The following ZNF395 variants were observed in gnomAD, a reference collection of about 807,000 sequenced individuals.
ZNF395 encodes the protein zinc finger protein 395.
In ZNF395, 20 loss-of-function variants were observed where a neutral mutation model predicts 57.7. That is an observed-to-expected ratio of 0.35 (90% CI 0.24 to 0.50). The LOEUF is 0.50. Ranked by LOEUF, ZNF395 falls within the 20% of genes least tolerant of loss-of-function variation. The pLI is 0.97. For synonymous variants in ZNF395, 295 were observed against 275.9 expected (o/e 1.07, Z -0.69); for missense variants, 606 against 671.2 (o/e 0.90, Z 1.07).
chr8:28,351,876 T>C, intron 6 of ZNF395, 69 bp from the exon 7 acceptor site: 1 of 1,488,710 alleles, frequency 6.7e-7, no homozygotes, highest in Non-Finnish European at 8.9e-7. Context: ...GGGACCGCGG[T>C]AGGGAGGGAA....
At chr8:28,363,819 T>A (rs1157911220) in intron 1 of ZNF395, among the ~76,000 whole-genome samples, 1 of 152,176 alleles carries the variant, frequency 6.6e-6, no homozygotes, top group Non-Finnish European at 1.5e-5. Flanking sequence ...TTCTTTTTTT[T>A]AATTTAAAGA....
In ZNF395 at chr8:28,352,037, T is replaced by C. The variant is rs974925233; in HGVS notation, c.921-230A>G. ...CTAAGGCTCATTCTCTCCCGGAACATGTGCCAACCTCTCCTCTGGCAGGAG... is the reference window on the plus strand; with the variant it reads ...CTAAGGCTCATTCTCTCCCGGAACACGTGCCAACCTCTCCTCTGGCAGGAG... On this transcript the variant is annotated intron_variant, in intron 6 of 9. Coordinates refer to ENST00000344423, the MANE Select transcript of ZNF395 (RefSeq NM_018660.3). The surrounding 1 kb of genome is among the most constrained non-coding windows in gnomAD (Gnocchi z 4.0). 5.9e-5 allele frequency among the ~76,000 whole-genome samples: 9 copies of C among 152,200 alleles called. No individual in the cohort carries two copies. Among genetic ancestry groups the C allele is most frequent in the African/African-American group, 2.2e-4 (9 of 41,446 alleles).
At chr8:28,361,239 G>C in intron 1 of ZNF395, 57 bp from the exon 2 acceptor site, 1 of 1,464,240 alleles carries the variant, frequency 6.8e-7, no homozygotes, top group Non-Finnish European at 9.3e-7. Flanking sequence ...GCCAGGAAGG[G>C]TCTACTAAAA....
chr8:28,346,352 T>C lies in ZNF395; in HGVS notation c.*2367A>G, dbSNP rs577053145. The stretch of plus-strand genomic sequence containing the variant: ...GCCACCCTCACCCTCCAAGAAGGCA[T>C]GAATGGAACAACCCCGAGAACAGAG... On this transcript the variant is annotated 3_prime_UTR_variant, in exon 10 of 10. Coordinates refer to ENST00000344423, the MANE Select transcript of ZNF395 (RefSeq NM_018660.3). 2 of 151,596 alleles carry C rather than the reference T, an allele frequency of 1.3e-5. No individual in the cohort carries two copies. Among genetic ancestry groups the C allele is most frequent in the Non-Finnish European group, 2.9e-5 (2 of 67,936 alleles). The allele number at this position is 151,596 out of a possible 1,614,324, so 9.4% of individuals were successfully genotyped here. A position where few individuals can be genotyped will look rare whatever the true frequency, so the allele number is the denominator to read the frequency against.
At chr8:28,365,071 T>C (rs1801895076) in intron 1 of ZNF395, among the ~76,000 whole-genome samples, 1 of 152,178 alleles carries the variant, frequency 6.6e-6, no homozygotes, top group Non-Finnish European at 1.5e-5. Context: ...ATTAATAGGA[T>C]GGAAGTGGGA....
chr8:28,375,069 A>C (rs895568487), intron 1 of ZNF395, among the ~76,000 whole-genome samples: 4 of 152,242 alleles, frequency 2.6e-5, no homozygotes, highest in Non-Finnish European at 5.9e-5. Flanking sequence ...TCCTCCTCAA[A>C]GCACTACCTA....
Position 28,351,612 on chromosome 8 carries a change from G to A in ZNF395, c.1116C>T (p.His372=), listed in dbSNP as rs1801684592. 6.2e-7 allele frequency: 1 copy of A among 1,613,568 alleles called. No individual in the cohort carries two copies. The highest frequency in any genetic ancestry group is 1.3e-5 in the African/African-American group (1 of 74,938). The change falls in exon 7 of 10, where the codon CAC becomes CAT. Residue 372 remains histidine, a synonymous_variant. Coordinates refer to ENST00000344423, the MANE Select transcript of ZNF395 (RefSeq NM_018660.3). The part of the protein sequence containing the change: ...LPLSALPPPL[H]KAQSSGPEHP... ...GTTCTGGGCCGGAGGACTGGGCTTT[G>A]TGCAGAGGTGGTGGAAGAGCAGACA...
intron 1 of ZNF395, among the ~76,000 whole-genome samples, chr8:28,384,025 G>A (rs894459180): frequency 6.6e-6 from 1 of 152,038 alleles, no homozygotes; most frequent in Non-Finnish European, 1.5e-5. Flanking sequence ...CCTGTAAACA[G>A]ATTATTTCAA....
chr8:28,351,573 C>T lies in ZNF395; in HGVS notation c.1155G>A (p.Glu385=), dbSNP rs756617828. The T allele has an allele frequency of 1.4e-5, 23 of 1,613,702 alleles. No individual in the cohort carries two copies. In the South Asian group the frequency reaches 2.3e-4, roughly 16 times the overall value. The change falls in exon 7 of 10, where the codon GAG becomes GAA. Residue 385 remains glutamate, a synonymous_variant. Transcript: ENST00000344423. ...QSSGPEHPGP[E]SSLPSGALSK... ...TGAGAGCCCCTGAGGGCAGGGAGGACTCCGGGCCAGGATGTTCTGGGCCGG... is the reference window on the plus strand; with the variant it reads ...TGAGAGCCCCTGAGGGCAGGGAGGATTCCGGGCCAGGATGTTCTGGGCCGG...
At chr8:28,369,859 C>T (rs1801956901) in intron 1 of ZNF395, among the ~76,000 whole-genome samples, 1 of 152,214 alleles carries the variant, frequency 6.6e-6, no homozygotes, top group South Asian at 2.1e-4. Flanking sequence ...AGCTCTTGAC[C>T]ATGCACCAAA....
In ZNF395 at chr8:28,361,439, T is replaced by C. The variant is rs138813377; in HGVS notation, c.-58-257A>G. Among the ~76,000 whole-genome samples, 285 of 152,358 alleles carry C rather than the reference T, an allele frequency of 1.9e-3. 1 individual carries two copies. The highest frequency in any genetic ancestry group is 6.3e-3 in the African/African-American group (260 of 41,588). On this transcript the variant is annotated intron_variant, in intron 1 of 9. Transcript: ENST00000344423. The stretch of plus-strand genomic sequence containing the variant: ...CACTTTTATTTCTGTAAAAATGGGA[T>C]TGTTGTTTGGTAAACTGTATTTTTA...
At chr8:28,372,079 C>A (rs1801983897) in intron 1 of ZNF395, among the ~76,000 whole-genome samples, 1 of 152,050 alleles carries the variant, frequency 6.6e-6, no homozygotes, top group African/African-American at 2.4e-5. Flanking sequence ...GCTCAAACTT[C>A]CCCATTGTGA....
At chr8:28,377,940 T>C (rs1802064606) in intron 1 of ZNF395, among the ~76,000 whole-genome samples, 1 of 151,840 alleles carries the variant, frequency 6.6e-6, no homozygotes, top group African/African-American at 2.4e-5. Context: ...GTATTTTTAG[T>C]AGAGACGGGG....
At chr8:28,368,319 G>A (rs1585860165) in intron 1 of ZNF395, 1 of 152,144 alleles carries the variant, frequency 6.6e-6, no homozygotes, top group Non-Finnish European at 1.5e-5. Flanking sequence ...ATGGCACTCA[G>A]GTTTATACTC....
Position 28,360,925 on chromosome 8 carries a change from G to A in ZNF395, c.200C>T (p.Thr67Ile). The part of the protein sequence containing the change: ...QPKEVLKAPS[T>I]SGLQQVAFQP... ...AAAGGCCACCTGCTGAAGGCCCGAG[G>A]TGCTGGGAGCCTTAAGGACTTCCTT... Residue 67 changes from threonine to isoleucine, a missense_variant, in exon 2 of 10, where the codon ACC becomes ATC. By Grantham distance (89) the Thr-to-Ile change is moderately conservative. Transcript: ENST00000344423. 6.2e-7 allele frequency: 1 copy of A among 1,614,012 alleles called. No individual in the cohort carries two copies. Among genetic ancestry groups the A allele is most frequent in the Non-Finnish European group, 8.5e-7 (1 of 1,180,000 alleles).
intron 1 of ZNF395, among the ~76,000 whole-genome samples, chr8:28,370,442 T>C (rs1801963667): frequency 6.6e-6 from 1 of 152,164 alleles, no homozygotes; most frequent in Admixed American, 6.5e-5. Context: ...CCCCAATAAC[T>C]GTGGGCATGA....
chr8:28,361,052 A>G lies in ZNF395; in HGVS notation c.73T>C (p.Ser25Pro). The G allele has an allele frequency of 2.5e-6, 4 of 1,611,818 alleles. No homozygotes were observed. Among genetic ancestry groups the G allele is most frequent in the Non-Finnish European group, 2.5e-6 (3 of 1,179,280 alleles). The change falls in exon 2 of 10, where the codon TCG becomes CCG. Residue 25 changes from serine (S) to proline (P), a missense_variant. Ser to Pro is a moderately conservative substitution (Grantham distance 74). This residue lies in a region of ZNF395 where 309 missense variants were observed against 374.7 expected (regional missense o/e 0.82). Coordinates refer to ENST00000344423, the MANE Select transcript of ZNF395 (RefSeq NM_018660.3). ...GGTGGGGCAGCCGAGGGCCCCTCCG[A>G]GGCACTGGGTCCCAACACCCGGGCT... ...LGARVLGPSA[S>P]EGPSAAPPSE...
At chr8:28,376,282 G>A (rs996517632) in intron 1 of ZNF395, among the ~76,000 whole-genome samples, 7 of 152,072 alleles carry the variant, frequency 4.6e-5, no homozygotes, top group African/African-American at 1.4e-4. Flanking sequence ...GATTACAGGC[G>A]TGAGCCACCA....
intron 3 of ZNF395, among the ~76,000 whole-genome samples, chr8:28,357,182 C>T (rs775998999): frequency 1.3e-5 from 2 of 152,084 alleles, no homozygotes; most frequent in South Asian, 4.2e-4. Flanking sequence ...ACAAAAGATG[C>T]CCACTGGAAT....
Sources: allele counts gnomAD v4.1 joint callset (sites outside exome capture counted in the v4.1 genomes callset), GRCh38; gene constraint gnomAD v4.1.1; regional missense constraint gnomAD v4.1.1; non-coding constraint Gnocchi (gnomAD v3.1); transcripts MANE v1.5; gene names NCBI Gene and HGNC (gene_info 2026-07-23, HGNC 2026-07-21).